Variants in NPNT observed in about 807,000 individuals in gnomAD.
The protein encoded by NPNT is nephronectin, also known as preosteoblast EGF-like repeat protein with MAM domain.
Under a neutral mutation model 68.6 loss-of-function variants are expected in NPNT, and 45 were observed. That is an observed-to-expected ratio of 0.66 (90% confidence interval 0.52 to 0.84). The LOEUF (loss-of-function observed/expected upper bound fraction) is 0.84. Ranked by LOEUF, NPNT falls within the 40% of genes least tolerant of loss-of-function variation. The pLI, the probability that NPNT is intolerant of heterozygous loss-of-function variation, is 0.00. For synonymous variants in NPNT, 233 were observed against 253.3 expected, an observed-to-expected ratio of 0.92 and a Z score of 0.76; for missense variants, 672 against 714.8, an observed-to-expected ratio of 0.94 and a Z score of 0.68.
At chr4:105,948,765 T>C (rs1013257721) in intron 8 of NPNT, among the ~76,000 whole-genome samples, 4 of 152,110 alleles carry the variant, frequency 2.6e-5, no homozygotes, top group Admixed American at 1.3e-4. Flanking sequence ...GGTGGCTATT[T>C]ATTTTTATTT....
chr4:105,951,387 G>A (rs1337821024), intron 8 of NPNT, among the ~76,000 whole-genome samples: 1 of 152,110 alleles, frequency 6.6e-6, no homozygotes, highest in African/African-American at 2.4e-5. Context: ...TTCTTTTACT[G>A]ATTGCTGCGT....
intron 2 of NPNT, among the ~76,000 whole-genome samples, chr4:105,926,029 T>G (rs1371538404): frequency 6.6e-6 from 1 of 152,188 alleles, no homozygotes; most frequent in Non-Finnish European, 1.5e-5. Context: ...ACCCATCTCT[T>G]TAGCTTAATG....
intron 8 of NPNT, among the ~76,000 whole-genome samples, chr4:105,955,691 T>A (rs1224277005): frequency 8.1e-6 from 1 of 123,806 alleles, no homozygotes; most frequent in African/African-American, 3.6e-5. Context: ...TCTTTAGTCC[T>A]TTTTTTTTGG....
chr4:105,959,799 G>A (rs1334721772), intron 10 of NPNT, among the ~76,000 whole-genome samples: 4 of 148,546 alleles, frequency 2.7e-5, no homozygotes, highest in African/African-American at 9.9e-5. Flanking sequence ...TCTCCCCTCA[G>A]TAGTTAAATC....
At chr4:105,960,001 T>A (rs534153839) in intron 10 of NPNT, among the ~76,000 whole-genome samples, 11 of 151,828 alleles carry the variant, frequency 7.2e-5, no homozygotes, top group Admixed American at 3.3e-4. Flanking sequence ...TAGTAGAGAC[T>A]AGGTTTCACC....
Position 105,945,367 on chromosome 4 carries a change from C to T in NPNT, c.1159+2665C>T, listed in dbSNP as rs546549584. The stretch of plus-strand genomic sequence containing the variant: ...CCAGACCTCTCCCCCAAACTCTAGA[C>T]CTGGATGTCAGCTGACTGCTTAACC... On this transcript the variant is annotated intron_variant, in intron 8 of 11. Coordinates refer to ENST00000379987, the MANE Select transcript of NPNT (RefSeq NM_001033047.3). Among the ~76,000 whole-genome samples, 5 of 152,244 alleles carry T rather than the reference C, an allele frequency of 3.3e-5. No individual in the cohort carries two copies. In the East Asian group the frequency reaches 7.7e-4, roughly 24 times the overall value.
intron 1 of NPNT, among the ~76,000 whole-genome samples, chr4:105,896,140 G>A (rs1725822813): frequency 6.6e-6 from 1 of 152,286 alleles, no homozygotes; most frequent in East Asian, 1.9e-4. Flanking sequence ...GCCCCCGGGG[G>A]GAGGCCCGGG....
chr4:105,940,583 C>T lies in NPNT; in HGVS notation c.710C>T (p.Ser237Phe), dbSNP rs1015959801. The stretch of plus-strand genomic sequence containing the variant: ...GCTCGATGTTATAACATACGTGGGT[C>T]CTACAAGTGCAAATGTAAAGAAGGA... The part of the protein sequence containing the change: ...SFARCYNIRG[S>F]YKCKCKEGYQ... Residue 237 changes from serine (S) to phenylalanine (F), a missense_variant, in exon 7 of 12, where the codon TCC becomes TTC. Ser to Phe is a radical substitution (Grantham distance 155). Transcript: ENST00000379987. The T allele has an allele frequency of 6.2e-7, 1 of 1,612,904 alleles. No homozygotes were observed.
intron 2 of NPNT, among the ~76,000 whole-genome samples, chr4:105,908,585 A>T (rs557066114): frequency 6.7e-6 from 1 of 150,072 alleles, no homozygotes; most frequent in South Asian, 2.1e-4. Context: ...TTTTTTTGAG[A>T]CGGAGTCTTC....
At position 105,970,723 on chromosome 4, in the gene NPNT, A is replaced by C; in HGVS notation, c.*1733A>C. The C allele has an allele frequency of 2.4e-6, 1 of 424,414 alleles. No homozygotes were observed. The highest frequency in any genetic ancestry group is 4.4e-6 in the Non-Finnish European group (1 of 226,772). The allele number at this position is 424,414 out of a possible 1,614,324, so 26.3% of individuals were successfully genotyped here. On this transcript the variant is annotated 3_prime_UTR_variant, in exon 12 of 12. Coordinates refer to ENST00000379987, the MANE Select transcript of NPNT (RefSeq NM_001033047.3). ...ATTTGTCTATTTAAGATGGTTAAAGATGTTCTTACCCAAGGAAAAGTAACA... is the reference window on the plus strand; with the variant it reads ...ATTTGTCTATTTAAGATGGTTAAAGCTGTTCTTACCCAAGGAAAAGTAACA...
At position 105,938,292 on chromosome 4, in the gene NPNT, T is replaced by A; in HGVS notation, c.386-9T>A. The A allele has an allele frequency of 1.2e-6, 2 of 1,611,456 alleles. No individual in the cohort carries two copies. Among genetic ancestry groups the A allele is most frequent in the South Asian group, 2.2e-5 (2 of 90,528 alleles). On this transcript the variant is annotated splice_polypyrimidine_tract_variant and intron_variant, in intron 4 of 11. Transcript: ENST00000379987. The stretch of plus-strand genomic sequence containing the variant: ...ACCTGTCTGAGTCAGCCAGTCACTC[T>A]CTTTCCAGGTGCCCTGACCTGCTCC...
chr4:105,933,186 G>C (rs1729251121), intron 3 of NPNT, among the ~76,000 whole-genome samples: 1 of 152,148 alleles, frequency 6.6e-6, no homozygotes, highest in Non-Finnish European at 1.5e-5. Flanking sequence ...GGTTCCAAGA[G>C]AGCACTTAGT....
chr4:105,922,035 G>A (rs1044131906), intron 2 of NPNT, among the ~76,000 whole-genome samples: 1 of 152,162 alleles, frequency 6.6e-6, no homozygotes, highest in Non-Finnish European at 1.5e-5. Flanking sequence ...GTGGTGCCAT[G>A]TCTGCATAAT....
intron 3 of NPNT, among the ~76,000 whole-genome samples, chr4:105,936,631 T>C (rs1278820411): frequency 2.0e-5 from 3 of 152,226 alleles, no homozygotes; most frequent in East Asian, 1.9e-4. Context: ...ATTGTCAGGA[T>C]TGGATCTAGC....
intron 4 of NPNT, among the ~76,000 whole-genome samples, chr4:105,937,387 T>A (rs958685628): frequency 3.3e-5 from 5 of 151,864 alleles, no homozygotes; most frequent in Admixed American, 2.6e-4. Flanking sequence ...AAGTATGTTT[T>A]CTAATTTTTT....
intron 2 of NPNT, among the ~76,000 whole-genome samples, chr4:105,923,095 A>G (rs1056959967): frequency 6.6e-6 from 1 of 152,214 alleles, no homozygotes; most frequent in Non-Finnish European, 1.5e-5. Flanking sequence ...TGGATCATTT[A>G]TACTTTTTTA....
At chr4:105,935,014 G>A (rs778015892) in intron 3 of NPNT, among the ~76,000 whole-genome samples, 10 of 152,148 alleles carry the variant, frequency 6.6e-5, no homozygotes, top group Non-Finnish European at 1.3e-4. Flanking sequence ...TTAGTTCAGG[G>A]ACATAGTGTC....
chr4:105,924,042 C>T (rs371125642), intron 2 of NPNT, among the ~76,000 whole-genome samples: 3,175 of 151,434 alleles, frequency 0.021, 117 homozygotes, highest in African/African-American at 0.073. Flanking sequence ...TTGCTGCGCC[C>T]CCCCCCCACC....
intron 2 of NPNT, among the ~76,000 whole-genome samples, chr4:105,914,175 T>A (rs1241401586): frequency 6.6e-6 from 1 of 150,460 alleles, no homozygotes; most frequent in Non-Finnish European, 1.5e-5. Flanking sequence ...GAAGACTTCA[T>A]GAACTCAATG....
Sources: gnomAD v4.1 joint callset for allele counts (sites outside exome capture counted in the v4.1 genomes callset) on GRCh38, gnomAD v4.1.1 for gene constraint, MANE v1.5 for transcripts, NCBI Gene and HGNC (gene_info 2026-07-23, HGNC 2026-07-21) for gene names.